The following PACRG variants were observed in gnomAD, a reference collection of about 807,000 sequenced individuals.
The protein encoded by PACRG is parkin coregulated gene protein.
A neutral mutation model predicts 29.7 loss-of-function variants in PACRG; 29 were observed. That is an observed-to-expected ratio of 0.98 (90% CI 0.73 to 1.33). PACRG has a LOEUF of 1.33. Among genes scored for constraint, PACRG ranks in the 40% most tolerant of loss-of-function variants. The pLI is 0.00. For synonymous variants in PACRG, 116 were observed against 118.7 expected (o/e 0.98, Z 0.15); for missense variants, 279 against 316.2 (o/e 0.88, Z 0.89).
chr6:163,257,672 T>G (rs1426126195), intron 4 of PACRG, among the ~76,000 whole-genome samples: 2 of 152,248 alleles, frequency 1.3e-5, no homozygotes, highest in African/African-American at 4.8e-5. Context: ...TCAGGAATAC[T>G]GTATATATGT....
chr6:163,297,177 T>C (rs1784808010), intron 4 of PACRG, among the ~76,000 whole-genome samples: 1 of 152,220 alleles, frequency 6.6e-6, no homozygotes, highest in South Asian at 2.1e-4. Flanking sequence ...TGTAAAGACT[T>C]TGTCTCCCTA....
intron 2 of PACRG, among the ~76,000 whole-genome samples, chr6:162,941,390 T>C (rs1304863872): frequency 2.6e-5 from 4 of 152,226 alleles, no homozygotes; most frequent in Non-Finnish European, 5.9e-5. Flanking sequence ...GATTCTTTCA[T>C]GTCCCAAAGT....
At chr6:163,265,775 A>G (rs1411281568) in intron 4 of PACRG, among the ~76,000 whole-genome samples, 1 of 152,220 alleles carries the variant, frequency 6.6e-6, no homozygotes, top group East Asian at 1.9e-4. Context: ...TGACATGTTA[A>G]TGATCGAGGT....
At chr6:163,309,739 C>T (rs1423370429) in intron 4 of PACRG, among the ~76,000 whole-genome samples, 3 of 152,160 alleles carry the variant, frequency 2.0e-5, no homozygotes, top group Admixed American at 2.0e-4. Flanking sequence ...GGCAGGAGAG[C>T]GTGTTGGGGC....
chr6:163,263,988 G>A (rs2128176505), intron 4 of PACRG, among the ~76,000 whole-genome samples: 1 of 152,244 alleles, frequency 6.6e-6, no homozygotes, highest in East Asian at 1.9e-4. Flanking sequence ...GTTGAATGCA[G>A]CAATCTGAAT....
intron 3 of PACRG, among the ~76,000 whole-genome samples, chr6:163,081,940 T>G (rs1422534865): frequency 6.6e-6 from 1 of 152,152 alleles, no homozygotes; most frequent in Non-Finnish European, 1.5e-5. Flanking sequence ...AAAGGAGAGA[T>G]AAATATTAGA....
intron 2 of PACRG, among the ~76,000 whole-genome samples, chr6:162,863,000 GTT>G (rs1338234924): frequency 1.3e-5 from 2 of 152,220 alleles, no homozygotes; most frequent in Non-Finnish European, 1.5e-5. Context: ...TGTTGGTCCT[GTT>G]TATGAGCCCA....
intron 4 of PACRG, among the ~76,000 whole-genome samples, chr6:163,135,610 A>C (rs1816903315): frequency 6.6e-6 from 1 of 152,200 alleles, no homozygotes; most frequent in African/African-American, 2.4e-5. Context: ...GATTCGGGAA[A>C]TCTTCTTCCG....
chr6:163,097,512 T>C (rs1814705742), intron 4 of PACRG, among the ~76,000 whole-genome samples: 1 of 152,236 alleles, frequency 6.6e-6, no homozygotes, highest in Admixed American at 6.5e-5. Context: ...CTGAGCCAAA[T>C]ATGGGTGACC....
At chr6:162,727,246 T>C, upstream of PACRG, 1 of 175,362 alleles carries the variant, frequency 5.7e-6, no homozygotes, top group Non-Finnish European at 1.1e-5. Context: ...TGGGTCTCGA[T>C]GGGTCCTGAA....
At chr6:162,936,356 T>A (rs1479778591) in intron 2 of PACRG, among the ~76,000 whole-genome samples, 1 of 152,166 alleles carries the variant, frequency 6.6e-6, no homozygotes, top group African/African-American at 2.4e-5. Context: ...ATAAGTAGAA[T>A]CTCAAGCTCA....
intron 4 of PACRG, among the ~76,000 whole-genome samples, chr6:163,309,039 T>TAA (rs35103671): frequency 5.3e-5 from 8 of 151,610 alleles, no homozygotes; most frequent in East Asian, 1.9e-4. Context: ...ATTTTTTTTT[T>TAA]AAATTCCACT....
At chr6:162,893,947 A>T (rs1047158286) in intron 2 of PACRG, among the ~76,000 whole-genome samples, 1 of 152,182 alleles carries the variant, frequency 6.6e-6, no homozygotes, top group African/African-American at 2.4e-5. Flanking sequence ...TCAATCACGA[A>T]CTCAGTCATT....
chr6:162,997,735 C>T (rs1804206146), intron 2 of PACRG, among the ~76,000 whole-genome samples: 1 of 152,256 alleles, frequency 6.6e-6, no homozygotes, highest in Non-Finnish European at 1.5e-5. Context: ...CTAGCCAATA[C>T]TTGACATTGT....
At chr6:162,944,826 T>C (rs1464914797) in intron 2 of PACRG, among the ~76,000 whole-genome samples, 3 of 151,898 alleles carry the variant, frequency 2.0e-5, no homozygotes, top group African/African-American at 7.3e-5. Flanking sequence ...TTCTGACATA[T>C]AAGACACCAT....
chr6:163,173,629 T>A (rs900512088), intron 4 of PACRG, among the ~76,000 whole-genome samples: 1 of 152,190 alleles, frequency 6.6e-6, no homozygotes, highest in Non-Finnish European at 1.5e-5. Flanking sequence ...GCAAGTGGCA[T>A]ATGGTTTTTG....
chr6:162,925,734 T>G (rs1797385922), intron 2 of PACRG, among the ~76,000 whole-genome samples: 1 of 152,138 alleles, frequency 6.6e-6, no homozygotes, highest in African/African-American at 2.4e-5. Flanking sequence ...AAGCATTCCC[T>G]TTGAAAACTG....
intron 2 of PACRG, among the ~76,000 whole-genome samples, chr6:162,997,002 G>C (rs4235945): frequency 2.0e-5 from 3 of 152,182 alleles, no homozygotes; most frequent in Non-Finnish European, 2.9e-5. Context: ...GATTTTATAA[G>C]ATAAACTAAA....
chr6:162,733,510 C>T (rs1779931518), intron 1 of PACRG, among the ~76,000 whole-genome samples: 3 of 152,146 alleles, frequency 2.0e-5, no homozygotes, highest in Admixed American at 2.0e-4. Context: ...GCCATCCTCT[C>T]TAATTGTGGA....
Sources: gnomAD v4.1 joint callset for allele counts (sites outside exome capture counted in the v4.1 genomes callset) on GRCh38, gnomAD v4.1.1 for gene constraint, MANE v1.5 for transcripts, NCBI Gene and HGNC (gene_info 2026-07-23, HGNC 2026-07-21) for gene names.